The following CDC42SE2 variants were observed in gnomAD, a reference collection of about 807,000 sequenced individuals.
CDC42SE2 encodes the protein CDC42 small effector 2, also known as CDC42 small effector protein 2.
CDC42SE2 carries 3 observed loss-of-function variants against 11.5 expected under a neutral mutation model. The ratio of observed to expected loss-of-function variants is 0.26; its 90% confidence interval spans 0.12 to 0.67. The LOEUF (loss-of-function observed/expected upper bound fraction) is 0.67, where lower values mean the gene tolerates loss of function less well. CDC42SE2 is among the 30% of genes least tolerant of loss of function. The pLI is 0.80. For synonymous variants in CDC42SE2, 33 were observed against 34.8 expected (o/e 0.95, Z 0.18); for missense variants, 82 against 106.8 (o/e 0.77, Z 1.02).
intron 1 of CDC42SE2, among the ~76,000 whole-genome samples, chr5:131,287,856 C>T (rs1431965958): frequency 6.6e-6 from 1 of 151,870 alleles, no homozygotes; most frequent in Non-Finnish European, 1.5e-5. Flanking sequence ...ATACTTTTTT[C>T]CCTAATAGTT....
intron 2 of CDC42SE2, among the ~76,000 whole-genome samples, chr5:131,329,318 C>A (rs1022459755): frequency 5.0e-5 from 7 of 141,402 alleles, no homozygotes; most frequent in Admixed American, 2.9e-4. Flanking sequence ...CTTTTGGTAT[C>A]ACCAGCAGTT....
At chr5:131,340,707 CAG>C (rs1758691879) in intron 2 of CDC42SE2, among the ~76,000 whole-genome samples, 1 of 149,432 alleles carries the variant, frequency 6.7e-6, no homozygotes, top group African/African-American at 2.5e-5. Context: ...TTTTCCAAGA[CAG>C]AGTGTCACTC....
chr5:131,344,943 G>A (rs536354676), intron 2 of CDC42SE2, among the ~76,000 whole-genome samples: 1 of 152,310 alleles, frequency 6.6e-6, no homozygotes, highest in Non-Finnish European at 1.5e-5. Flanking sequence ...GGTCCTGACT[G>A]TTAGAAGGAA....
chr5:131,331,364 A>C (rs1377363641), intron 2 of CDC42SE2, among the ~76,000 whole-genome samples: 1 of 152,204 alleles, frequency 6.6e-6, no homozygotes, highest in Non-Finnish European at 1.5e-5. Flanking sequence ...AATCAACATA[A>C]TTATAATTTA....
At chr5:131,298,310 T>C (rs767960917) in intron 1 of CDC42SE2, among the ~76,000 whole-genome samples, 10 of 151,804 alleles carry the variant, frequency 6.6e-5, no homozygotes, top group Non-Finnish European at 1.5e-4. Context: ...TTTCTCCATG[T>C]TGGTGAGTCT....
chr5:131,369,036 C>A (rs1354499184), intron 3 of CDC42SE2, among the ~76,000 whole-genome samples: 1 of 152,204 alleles, frequency 6.6e-6, no homozygotes, highest in East Asian at 1.9e-4. Flanking sequence ...CAATTACACA[C>A]GTGCCTGTTC....
At chr5:131,331,704 C>T (rs181131208) in intron 2 of CDC42SE2, among the ~76,000 whole-genome samples, 20 of 152,182 alleles carry the variant, frequency 1.3e-4, no homozygotes, top group Non-Finnish European at 2.6e-4. Context: ...TACTGAATCT[C>T]TTATTTGACC....
At chr5:131,348,431 C>T (rs367827006) in intron 2 of CDC42SE2, among the ~76,000 whole-genome samples, 1 of 152,086 alleles carries the variant, frequency 6.6e-6, no homozygotes, top group African/African-American at 2.4e-5. Context: ...ATCCAACTTA[C>T]AAGGAATGTG....
At chr5:131,279,797 C>T (rs1226192557) in intron 1 of CDC42SE2, among the ~76,000 whole-genome samples, 1 of 152,082 alleles carries the variant, frequency 6.6e-6, no homozygotes, top group Non-Finnish European at 1.5e-5. Context: ...AGACTGGGCA[C>T]AGTGGTTGGC....
intron 2 of CDC42SE2, among the ~76,000 whole-genome samples, chr5:131,337,594 T>C (rs1009542064): frequency 4.1e-4 from 63 of 152,212 alleles, no homozygotes; most frequent in Admixed American, 6.5e-5. Context: ...AGGCAGGCCT[T>C]CTTGAGCTGT....
intron 1 of CDC42SE2, among the ~76,000 whole-genome samples, chr5:131,281,465 G>C (rs566554967): frequency 6.6e-6 from 1 of 152,276 alleles, no homozygotes; most frequent in Middle Eastern, 3.4e-3. Flanking sequence ...AAGTGCCTCT[G>C]TTGGAAGGTA....
At chr5:131,273,164 T>A (rs1397066778) in intron 1 of CDC42SE2, among the ~76,000 whole-genome samples, 1 of 148,794 alleles carries the variant, frequency 6.7e-6, no homozygotes, top group Admixed American at 6.7e-5. Context: ...TATAATTTTT[T>A]TTTTTTTTTG....
chr5:131,216,679 A>G, the CDC42SE2 span, among the ~76,000 whole-genome samples: 1 of 152,254 alleles, frequency 6.6e-6, no homozygotes, highest in African/African-American at 2.4e-5. Flanking sequence ...TGGATGTCAC[A>G]GTGTTTCCAA....
At chr5:131,383,260 T>C (rs911037669) in intron 3 of CDC42SE2, among the ~76,000 whole-genome samples, 1 of 152,178 alleles carries the variant, frequency 6.6e-6, no homozygotes, top group Admixed American at 6.5e-5. Flanking sequence ...GAGAAAAAGA[T>C]AGCAGGAAAC....
At chr5:131,296,632 TA>T in intron 1 of CDC42SE2, among the ~76,000 whole-genome samples, 1 of 152,258 alleles carries the variant, frequency 6.6e-6, no homozygotes, top group East Asian at 1.9e-4. Flanking sequence ...CATATTGGAT[TA>T]GGGGCCCACT....
chr5:131,276,902 AT>A (rs1438453612), intron 1 of CDC42SE2, among the ~76,000 whole-genome samples: 3 of 149,724 alleles, frequency 2.0e-5, no homozygotes, highest in African/African-American at 4.9e-5. Flanking sequence ...TAATTTTTTT[AT>A]TTTTTTTTGT....
At chr5:131,213,369 G>A in the CDC42SE2 span, among the ~76,000 whole-genome samples, 1 of 152,060 alleles carries the variant, frequency 6.6e-6, no homozygotes, top group Non-Finnish European at 1.5e-5. Flanking sequence ...GTTGTGGGTA[G>A]GGTTCTATTA....
upstream of CDC42SE2, among the ~76,000 whole-genome samples, chr5:131,240,935 A>T (rs1443348998): frequency 6.6e-6 from 1 of 151,672 alleles, no homozygotes; most frequent in African/African-American, 2.4e-5. Flanking sequence ...AATTTCCTTC[A>T]GATGGTTTTA....
intron 1 of CDC42SE2, among the ~76,000 whole-genome samples, chr5:131,287,560 T>G (rs974977708): frequency 1.3e-5 from 2 of 151,712 alleles, no homozygotes; most frequent in African/African-American, 4.8e-5. Flanking sequence ...CTTCCTGCGG[T>G]CAGGTGATTC....
Sources: gnomAD v4.1 joint callset for allele counts (sites outside exome capture counted in the v4.1 genomes callset) on GRCh38, gnomAD v4.1.1 for gene constraint, MANE v1.5 for transcripts, NCBI Gene and HGNC (gene_info 2026-07-23, HGNC 2026-07-21) for gene names.